The following SATB1 variants were observed in gnomAD, a reference collection of about 807,000 sequenced individuals.
SATB1 encodes the protein DNA-binding protein SATB1.
SATB1 carries 11 observed loss-of-function variants against 86.9 expected under a neutral mutation model. The observed-to-expected ratio is 0.13, with a 90% CI of 0.08 to 0.21. The LOEUF (loss-of-function observed/expected upper bound fraction) is 0.21, where lower values mean the gene tolerates loss of function less well. Among genes scored for constraint, SATB1 ranks in the 10% least tolerant of loss-of-function variants. The pLI is 1.00. For missense variants in SATB1, 551 were observed against 937.6 expected, an observed-to-expected ratio of 0.59 and a Z score of 5.39; for synonymous variants, 357 against 357.2, an observed-to-expected ratio of 1.00 and a Z score of 0.01.
Position 18,386,693 on chromosome 3 carries a change from T to C in SATB1, c.1207-82A>G. The C allele has an allele frequency of 8.9e-7, 1 of 1,121,920 alleles. No individual in the cohort carries two copies. 69.5% of individuals were successfully genotyped at this position (1,121,920 alleles called of 1,614,324 possible). ...GTGATCCTTCCCTTTTCTTCTCCAC[T>C]CTGTTTAGAAAATGAACAGTCAGAG... On this transcript the variant is annotated intron_variant, in intron 7 of 10. Coordinates refer to ENST00000338745, the MANE Select transcript of SATB1 (RefSeq NM_002971.6). This position sits in a 1 kb window ranked among gnomAD's most constrained non-coding sequence, Gnocchi z 4.5.
chr3:18,364,870 C>G (rs1695102725), intron 9 of SATB1, among the ~76,000 whole-genome samples: 1 of 151,678 alleles, frequency 6.6e-6, no homozygotes, highest in African/African-American at 2.4e-5. Flanking sequence ...ACTGAAGGAC[C>G]ATGCCTCTTA....
chr3:18,393,067 A>G (rs1337796403), intron 7 of SATB1, among the ~76,000 whole-genome samples: 1 of 152,116 alleles, frequency 6.6e-6, no homozygotes, highest in East Asian at 1.9e-4. Context: ...GGCACGCCAA[A>G]AATAAGTCAC....
chr3:18,433,291 C>T (rs748275585), intron 2 of SATB1, among the ~76,000 whole-genome samples: 7 of 152,072 alleles, frequency 4.6e-5, no homozygotes, highest in Admixed American at 3.3e-4. Context: ...CTCATATATG[C>T]AGAACAGCTG....
At chr3:18,434,554 C>G (rs1698998094) in intron 2 of SATB1, among the ~76,000 whole-genome samples, 2 of 151,914 alleles carry the variant, frequency 1.3e-5, no homozygotes, top group African/African-American at 2.4e-5. Flanking sequence ...TATTAAGTAA[C>G]TCCCACAAAA....
chr3:18,362,541 G>GT (rs1205358561), intron 9 of SATB1, among the ~76,000 whole-genome samples: 2 of 151,402 alleles, frequency 1.3e-5, no homozygotes, highest in Non-Finnish European at 2.9e-5. Flanking sequence ...TCATAATGAT[G>GT]TTTCTGTATT....
Position 18,386,351 on chromosome 3 carries a change from TAA to T in SATB1, c.1419+46_1419+47del. On this transcript the variant is annotated intron_variant, in intron 8 of 10. Coordinates refer to ENST00000338745, the MANE Select transcript of SATB1 (RefSeq NM_002971.6). This position sits in a 1 kb window ranked among gnomAD's most constrained non-coding sequence, Gnocchi z 4.5. ...CTTATTGAGATTCTTCCTCAAGCAT[TAA>T]AAAAAAGCTAAACAAAGAAGGGCAA... 1.4e-6 allele frequency: 2 copies of T among 1,413,616 alleles called. No individual in the cohort carries two copies. Among genetic ancestry groups the T allele is most frequent in the Non-Finnish European group, 2.0e-6 (2 of 1,014,564 alleles). 87.6% of individuals were successfully genotyped at this position (1,413,616 alleles called of 1,614,324 possible).
chr3:18,394,931 G>T lies in SATB1; in HGVS notation c.752-15C>A, dbSNP rs1472565697. On this transcript the variant is annotated splice_polypyrimidine_tract_variant and intron_variant, in intron 6 of 10. Transcript: ENST00000338745. This position sits in a 1 kb window ranked among gnomAD's most constrained non-coding sequence, Gnocchi z 5.9. ...ATCCATTTCAACTAAAGTGGACAAA[G>T]AGTAAAATCACATTCAGCCAACAAT... 1.2e-5 allele frequency: 18 copies of T among 1,533,252 alleles called. No individual in the cohort carries two copies. The highest frequency in any genetic ancestry group is 1.3e-5 in the Non-Finnish European group (15 of 1,137,710). The allele number at this position is 1,533,252 out of a possible 1,614,324, so 95.0% of individuals were successfully genotyped here.
intron 10 of SATB1, chr3:18,351,031 C>T (rs1389304624): frequency 2.4e-6 from 1 of 418,944 alleles, no homozygotes; most frequent in Admixed American, 3.7e-5. Flanking sequence ...TCAATGACAA[C>T]ACGCTTTCTA....
At chr3:18,351,604 C>A (rs1414343681) in intron 10 of SATB1, 2 of 559,042 alleles carry the variant, frequency 3.6e-6, no homozygotes, top group Non-Finnish European at 6.3e-6. Context: ...TTTACAGCAA[C>A]AGCGGTTGCT....
chr3:18,436,914 A>G (rs1373693917), intron 1 of SATB1: 2 of 152,220 alleles, frequency 1.3e-5, no homozygotes, highest in African/African-American at 4.8e-5. Context: ...TAGTTAACCA[A>G]TTTGATAGAA....
intron 5 of SATB1, among the ~76,000 whole-genome samples, chr3:18,412,438 T>A (rs115435385): frequency 2.0e-5 from 3 of 152,192 alleles, no homozygotes; most frequent in African/African-American, 4.8e-5. Flanking sequence ...AACTTTCTAC[T>A]AACTATAATA....
upstream of SATB1, among the ~76,000 whole-genome samples, chr3:18,439,875 A>C (rs1699191724): frequency 6.6e-6 from 1 of 152,212 alleles, no homozygotes; most frequent in Non-Finnish European, 1.5e-5. Context: ...AAAAACAACA[A>C]ATACATTTAG....
At position 18,352,077 on chromosome 3, in the gene SATB1, G is replaced by A. The variant is rs755322429; in HGVS notation, c.1694C>T (p.Ala565Val). ...CGCGTTGCTCTCCTGTTCATAAATG[G>A]CATCACGTTCTGGCTGAGGAAGACT... ...FLSLPQPERDAIYEQESNAVH... is the reference protein window; with the variant it reads ...FLSLPQPERDVIYEQESNAVH... The change falls in exon 10 of 11, where the codon GCC becomes GTC. Residue 565 changes from alanine (A) to valine (V), a missense_variant. Physicochemically the swap from Ala to Val is moderately conservative, Grantham distance 64. Around this residue, in one of 8 missense-constraint regions of SATB1, gnomAD observed 110 missense variants for 212.2 expected, o/e 0.52. Transcript: ENST00000338745. This position sits in a 1 kb window ranked among gnomAD's most constrained non-coding sequence, Gnocchi z 4.1. The A allele has an allele frequency of 6.2e-7, 1 of 1,614,184 alleles. No homozygotes were observed. The highest frequency in any genetic ancestry group is 8.5e-7 in the Non-Finnish European group (1 of 1,180,032).
At chr3:18,354,987 T>C (rs903814331) in intron 9 of SATB1, among the ~76,000 whole-genome samples, 3 of 152,142 alleles carry the variant, frequency 2.0e-5, no homozygotes, top group African/African-American at 7.2e-5. Context: ...CCTTAAATAA[T>C]ACTTCTAATT....
intron 9 of SATB1, among the ~76,000 whole-genome samples, chr3:18,370,454 G>A (rs765654689): frequency 7.4e-6 from 1 of 135,756 alleles, no homozygotes; most frequent in Non-Finnish European, 1.5e-5. Flanking sequence ...TTAAAATTGG[G>A]GAAAAGTATC....
rs377077490 is a variant in SATB1 at position 18,394,722 on chromosome 3, A to G, written c.946T>C (p.Leu316=). The change falls in exon 7 of 11, where the codon TTG becomes CTG. Residue 316 remains leucine, a synonymous_variant. Coordinates refer to ENST00000338745, the MANE Select transcript of SATB1 (RefSeq NM_002971.6). The surrounding 1 kb of genome is among the most constrained non-coding windows in gnomAD (Gnocchi z 5.9). ...GLVSTPISPQ[L]VNQQLVMAQL... Reference sequence around the variant, plus strand: ...GCCATCACCAGCTGCTGGTTGACCAATTGAGGACTGATAGGTGTTGATACG... The same window carrying G: ...GCCATCACCAGCTGCTGGTTGACCAGTTGAGGACTGATAGGTGTTGATACG... The G allele has an allele frequency of 6.2e-7, 1 of 1,614,120 alleles. No homozygotes were observed. The highest frequency in any genetic ancestry group is 1.3e-5 in the African/African-American group (1 of 74,996).
chr3:18,415,170 T>C lies in SATB1; in HGVS notation c.580A>G (p.Lys194Glu). ...TGATTCATATCTTTCAGTAAGTCCTTCAGAGCATTCCTCACTGTGGTGTGC... is the reference window on the plus strand; with the variant it reads ...TGATTCATATCTTTCAGTAAGTCCTCCAGAGCATTCCTCACTGTGGTGTGC... ...WSHTTVRNAL[K>E]DLLKDMNQSS... The change falls in exon 5 of 11, where the codon AAG (lysine) becomes GAG (glutamate). Residue 194 changes from lysine (K) to glutamate (E), a missense_variant. Physicochemically the swap from Lys to Glu is moderately conservative, Grantham distance 56 (BLOSUM62 1). Around this residue, in one of 8 missense-constraint regions of SATB1, gnomAD observed 153 missense variants for 258.1 expected, o/e 0.59. Transcript: ENST00000338745. 1 of 1,613,056 alleles carries C rather than the reference T, an allele frequency of 6.2e-7. No individual in the cohort carries two copies. The highest frequency in any genetic ancestry group is 1.1e-5 in the South Asian group (1 of 91,046).
At chr3:18,354,933 C>T (rs1694557101) in intron 9 of SATB1, among the ~76,000 whole-genome samples, 2 of 152,054 alleles carry the variant, frequency 1.3e-5, no homozygotes, top group Admixed American at 1.3e-4. Context: ...ATTAATTGCC[C>T]ATGACTAACA....
chr3:18,419,008 C>T (rs1559454631), intron 2 of SATB1, among the ~76,000 whole-genome samples: 1 of 152,074 alleles, frequency 6.6e-6, no homozygotes. Context: ...TTCATTTTTC[C>T]TTTTGTAGGA....
Sources: allele counts gnomAD v4.1 joint callset (sites outside exome capture counted in the v4.1 genomes callset), GRCh38; gene constraint gnomAD v4.1.1; regional missense constraint gnomAD v4.1.1; non-coding constraint Gnocchi (gnomAD v3.1); transcripts MANE v1.5; gene names NCBI Gene and HGNC (gene_info 2026-07-23, HGNC 2026-07-21).